ACOT11: variants seen among roughly 807,000 people sequenced by gnomAD.
The protein encoded by ACOT11 is acyl-coenzyme A thioesterase 11.
ACOT11 carries 69 observed loss-of-function variants against 77.5 expected under a neutral mutation model. The ratio of observed to expected loss-of-function variants is 0.89; its 90% CI spans 0.73 to 1.09. The LOEUF is 1.09. Among genes scored for constraint, ACOT11 ranks in the 50% least tolerant of loss-of-function variants. The pLI is 0.00. For synonymous variants in ACOT11, 279 were observed against 313.0 expected, an observed-to-expected ratio of 0.89 and a Z score of 1.15; for missense variants, 766 against 813.7, an observed-to-expected ratio of 0.94 and a Z score of 0.71.
At chr1:54,557,317 G>A (rs969201092) in intron 1 of ACOT11, among the ~76,000 whole-genome samples, 5 of 150,386 alleles carry the variant, frequency 3.3e-5, no homozygotes, top group African/African-American at 7.3e-5. Flanking sequence ...GCTTGAACCC[G>A]GGAGGCGGAG....
chr1:54,590,984 A>G (rs918745964), intron 3 of ACOT11, among the ~76,000 whole-genome samples: 17 of 152,072 alleles, frequency 1.1e-4, no homozygotes, highest in African/African-American at 4.1e-4. Flanking sequence ...TCTCGAACAT[A>G]TGAGCTCAGG....
intron 1 of ACOT11, among the ~76,000 whole-genome samples, chr1:54,551,732 GTTTTGT>G (rs200918442): frequency 0.014 from 2,161 of 149,908 alleles, 32 homozygotes; most frequent in East Asian, 0.08. Context: ...TTTTTGTTTT[GTTTTGT>G]TTTTGTTTTT....
At chr1:54,614,026 A>T (rs928308444), downstream of ACOT11, among the ~76,000 whole-genome samples, 34 of 152,360 alleles carry the variant, frequency 2.2e-4, no homozygotes, top group African/African-American at 7.5e-4. Flanking sequence ...GTGTTCTGCA[A>T]GTCAAGTGCT....
downstream of ACOT11, chr1:54,614,950 GTGTGCA>G: frequency 1.5e-6 from 2 of 1,293,040 alleles, no homozygotes; most frequent in Admixed American, 2.0e-5. Flanking sequence ...GTGTGTGTGT[GTGTGCA>G]TGTGCGTGCA....
At chr1:54,562,539 G>A (rs1329806944) in intron 1 of ACOT11, among the ~76,000 whole-genome samples, 7 of 97,184 alleles carry the variant, frequency 7.2e-5, no homozygotes, top group African/African-American at 2.8e-4. Flanking sequence ...GCCGGGCGGG[G>A]GGCTGACCCA....
At chr1:54,560,368 G>A (rs921154133) in intron 1 of ACOT11, among the ~76,000 whole-genome samples, 2 of 152,128 alleles carry the variant, frequency 1.3e-5, no homozygotes, top group African/African-American at 4.8e-5. Flanking sequence ...AGATGTGAAG[G>A]AGCCAGGTCC....
rs916417143 is a variant in ACOT11 at position 54,608,090 on chromosome 1, A to G, written c.1629+22A>G. 3.8e-6 allele frequency: 6 copies of G among 1,597,894 alleles called. No individual in the cohort carries two copies. The African/African-American group carries it at 6.8e-5, about 18-fold the overall frequency. ...CAAGGTGAGGCCGGTCCCCCCAACCACGCCCCCAGCCTGGCTCCACCCCAA... is the reference window on the plus strand; with the variant it reads ...CAAGGTGAGGCCGGTCCCCCCAACCGCGCCCCCAGCCTGGCTCCACCCCAA... On this transcript the variant is annotated intron_variant, in intron 15 of 15. Coordinates refer to ENST00000343744, the MANE Select transcript of ACOT11 (RefSeq NM_147161.4).
At chr1:54,583,850 G>C (rs532217309) in intron 1 of ACOT11, among the ~76,000 whole-genome samples, 5 of 152,300 alleles carry the variant, frequency 3.3e-5, no homozygotes, top group African/African-American at 9.6e-5. Flanking sequence ...ACACATGCAG[G>C]TGTGCCCAGC....
At position 54,594,629 on chromosome 1, in the gene ACOT11, G is replaced by A. The variant is rs1176342736; in HGVS notation, c.545G>A (p.Arg182His). ...MEHSVAAERR[R>H]MRLVYADTIK... is the part of the protein sequence containing the mutation. ...CACAGTGTGGCGGCTGAGCGCCGGC[G>A]CATGCGCCTTGTCTATGCAGACACC... Residue 182 changes from arginine (R) to histidine (H), a missense_variant, in exon 6 of 16, where the codon CGC becomes CAC. Arg to His is a conservative substitution (Grantham distance 29). Coordinates refer to ENST00000343744, the MANE Select transcript of ACOT11 (RefSeq NM_147161.4). The A allele has an allele frequency of 5.0e-6, 8 of 1,614,140 alleles. No homozygotes were observed. The highest frequency in any genetic ancestry group is 6.8e-6 in the Non-Finnish European group (8 of 1,180,012).
At chr1:54,614,921 T>C (rs1644155864), downstream of ACOT11, 1 of 1,551,406 alleles carries the variant, frequency 6.4e-7, no homozygotes, top group Non-Finnish European at 8.8e-7. Context: ...CATGACTCCC[T>C]GGGCAGAAAG....
chr1:54,605,091 C>G lies in ACOT11; in HGVS notation c.1252C>G (p.Leu418Val). Residue 418 changes from leucine to valine, a missense_variant, in exon 13 of 16, where the codon CTG becomes GTG. By Grantham distance (32) the Leu-to-Val change is conservative. Transcript: ENST00000343744. ...SEISQVRLYT[L>V]EDDKFLSFHM... Reference sequence around the variant, plus strand: ...TCCCATGCAGGTCCGCCTGTACACTCTGGAGGATGACAAGTTCCTCTCCTT... The same window carrying G: ...TCCCATGCAGGTCCGCCTGTACACTGTGGAGGATGACAAGTTCCTCTCCTT... 6.2e-7 allele frequency: 1 copy of G among 1,613,810 alleles called. No homozygotes were observed. Among genetic ancestry groups the G allele is most frequent in the Non-Finnish European group, 8.5e-7 (1 of 1,180,000 alleles).
In ACOT11 at chr1:54,607,824, C is replaced by A; in HGVS notation, c.1503-118C>A. 1 of 1,361,866 alleles carries A rather than the reference C, an allele frequency of 7.3e-7. No homozygotes were observed. Among genetic ancestry groups the A allele is most frequent in the Non-Finnish European group, 1.0e-6 (1 of 991,430 alleles). 84.4% of individuals were successfully genotyped at this position (1,361,866 alleles called of 1,614,324 possible). A position where few individuals can be genotyped will look rare whatever the true frequency, so the allele number is the denominator to read the frequency against. On this transcript the variant is annotated intron_variant, in intron 14 of 15. Transcript: ENST00000343744. This position sits in a 1 kb window ranked among gnomAD's most constrained non-coding sequence, Gnocchi z 4.5. ...CTTTAAGAGTCGATGTGCCTTGCATCCCCCTGGTGAGGAATCTGTGCTAGA... is the reference window on the plus strand; with the variant it reads ...CTTTAAGAGTCGATGTGCCTTGCATACCCCTGGTGAGGAATCTGTGCTAGA...
At chr1:54,612,754 C>T (rs758284203), downstream of ACOT11, 1 of 1,469,682 alleles carries the variant, frequency 6.8e-7, no homozygotes, top group African/African-American at 1.4e-5. Context: ...GCTGCAGCGG[C>T]CCCTTCCTCT....
chr1:54,586,401 C>T (rs941521685), intron 3 of ACOT11, among the ~76,000 whole-genome samples: 7 of 151,474 alleles, frequency 4.6e-5, no homozygotes, highest in Non-Finnish European at 7.4e-5. Context: ...ATGAGGAGCT[C>T]GTTACCTCAT....
At chr1:54,616,012 G>T in intron 15 of ACOT11, 13 of 1,613,130 alleles carry the variant, frequency 8.1e-6, no homozygotes, top group Non-Finnish European at 1.1e-5. Context: ...TTCCAGAGAG[G>T]CCCTTACCCT....
intron 15 of ACOT11, among the ~76,000 whole-genome samples, chr1:54,618,189 C>T (rs1644194847): frequency 6.6e-6 from 1 of 152,094 alleles, no homozygotes; most frequent in Non-Finnish European, 1.5e-5. Flanking sequence ...TCCTGCTCAT[C>T]CTTTAGTGTT....
chr1:54,572,041 A>T (rs1557651719), intron 1 of ACOT11, among the ~76,000 whole-genome samples: 1 of 152,060 alleles, frequency 6.6e-6, no homozygotes, highest in East Asian at 1.9e-4. Flanking sequence ...AGGGGAGGGC[A>T]GCTCAGGCAG....
chr1:54,616,288 G>C (rs1644172614), intron 15 of ACOT11: 1 of 899,932 alleles, frequency 1.1e-6, no homozygotes, highest in South Asian at 1.8e-5. Flanking sequence ...AAGTGGAAGA[G>C]GAAAATATTC....
chr1:54,619,974 T>A (rs1644213614), intron 15 of ACOT11: 1 of 1,614,118 alleles, frequency 6.2e-7, no homozygotes, highest in African/African-American at 1.3e-5. Flanking sequence ...GTCCAGCATG[T>A]CGGCATCAGG....
Sources: gnomAD v4.1 joint callset for allele counts (sites outside exome capture counted in the v4.1 genomes callset) on GRCh38, gnomAD v4.1.1 for gene constraint, Gnocchi (gnomAD v3.1) non-coding constraint, MANE v1.5 for transcripts, NCBI Gene and HGNC (gene_info 2026-07-23, HGNC 2026-07-21) for gene names.